Variants in SLC35D4 observed in about 807,000 individuals in gnomAD.
SLC35D4 encodes the protein solute carrier family 35 member D4.
the SLC35D4 span, among the ~76,000 whole-genome samples, chr18:23,433,520 C>T: frequency 6.6e-6 from 1 of 152,198 alleles, no homozygotes; most frequent in Non-Finnish European, 1.5e-5. Context: ...CTGCCTAGGG[C>T]CTGATTACAG....
chr18:23,380,028 C>T, the SLC35D4 span, among the ~76,000 whole-genome samples: 6 of 152,050 alleles, frequency 3.9e-5, no homozygotes, highest in Non-Finnish European at 8.8e-5. Context: ...AACCGGGAGG[C>T]GGAGATTGCA....
At chr18:23,288,532 C>A in the SLC35D4 span, among the ~76,000 whole-genome samples, 1 of 151,850 alleles carries the variant, frequency 6.6e-6, no homozygotes, top group African/African-American at 2.4e-5. Context: ...CCCTTCCCTA[C>A]GCATCAAGCT....
At chr18:23,259,710 G>A in the SLC35D4 span, 2 of 152,244 alleles carry the variant, frequency 1.3e-5, no homozygotes, top group South Asian at 4.1e-4. Flanking sequence ...AGGCACCTCT[G>A]TGACACGGAA....
chr18:23,374,169 CA>C, the SLC35D4 span, among the ~76,000 whole-genome samples: 3 of 152,164 alleles, frequency 2.0e-5, no homozygotes, highest in Non-Finnish European at 4.4e-5. Context: ...AAAATGAAAA[CA>C]CTACGGAAAT....
the SLC35D4 span, among the ~76,000 whole-genome samples, chr18:23,337,067 C>G: frequency 6.6e-6 from 1 of 151,814 alleles, no homozygotes; most frequent in African/African-American, 2.4e-5. Flanking sequence ...TGATTACAGA[C>G]TATGAGAGAT....
the SLC35D4 span, among the ~76,000 whole-genome samples, chr18:23,383,404 C>A: frequency 1.5e-4 from 11 of 72,062 alleles, no homozygotes; most frequent in African/African-American, 5.4e-4. Flanking sequence ...ATGAAGGCCA[C>A]GGGGGCCTGG....
At chr18:23,287,092 G>A in the SLC35D4 span, among the ~76,000 whole-genome samples, 56 of 151,724 alleles carry the variant, frequency 3.7e-4, 1 homozygote, top group African/African-American at 1.1e-3. Flanking sequence ...GTTATCACTC[G>A]CCTGCTACAG....
At chr18:23,275,062 G>A in the SLC35D4 span, among the ~76,000 whole-genome samples, 2 of 147,008 alleles carry the variant, frequency 1.4e-5, no homozygotes, top group Non-Finnish European at 3.0e-5. Flanking sequence ...GTTTGTGTAG[G>A]TGTGCTTGTG....
chr18:23,268,795 TGTGTGTGC>T, the SLC35D4 span, among the ~76,000 whole-genome samples: 2 of 138,196 alleles, frequency 1.4e-5, no homozygotes, highest in Non-Finnish European at 3.1e-5. Flanking sequence ...GCTGTGCGTG[TGTGTGTGC>T]GTGTGTGTGT....
At chr18:23,391,098 C>T in the SLC35D4 span, among the ~76,000 whole-genome samples, 1 of 151,874 alleles carries the variant, frequency 6.6e-6, no homozygotes, top group Admixed American at 6.6e-5. Context: ...TGGTGGCAGG[C>T]ACCTGTAATC....
the SLC35D4 span, among the ~76,000 whole-genome samples, chr18:23,283,496 A>C: frequency 6.7e-6 from 1 of 150,184 alleles, no homozygotes; most frequent in East Asian, 2.0e-4. Context: ...AAAAAAAAGA[A>C]AGAAAGAAAA....
chr18:23,397,244 G>C, the SLC35D4 span, among the ~76,000 whole-genome samples: 2 of 152,176 alleles, frequency 1.3e-5, no homozygotes, highest in African/African-American at 4.8e-5. Flanking sequence ...TTGAACCAGG[G>C]CTGGCCAATC....
At chr18:23,437,747 G>T in the SLC35D4 span, 5 of 1,599,758 alleles carry the variant, frequency 3.1e-6, no homozygotes, top group Non-Finnish European at 4.3e-6. Flanking sequence ...AACCTCCCAC[G>T]TGCAATCGCT....
the SLC35D4 span, among the ~76,000 whole-genome samples, chr18:23,431,691 TA>T: frequency 6.6e-6 from 1 of 152,204 alleles, no homozygotes; most frequent in African/African-American, 2.4e-5. Context: ...GGACTTTTTT[TA>T]AACCAACTCA....
At chr18:23,363,671 G>A in the SLC35D4 span, among the ~76,000 whole-genome samples, 1 of 152,134 alleles carries the variant, frequency 6.6e-6, no homozygotes, top group Non-Finnish European at 1.5e-5. Flanking sequence ...ACCACGCCCG[G>A]CTGACAAAAG....
At chr18:23,246,586 T>A in the SLC35D4 span, among the ~76,000 whole-genome samples, 3 of 151,250 alleles carry the variant, frequency 2.0e-5, no homozygotes, top group East Asian at 2.0e-4. Flanking sequence ...AGAGATGGGG[T>A]TTCACCGTGT....
chr18:23,309,571 T>C, the SLC35D4 span: 1 of 918,944 alleles, frequency 1.1e-6, no homozygotes, highest in Non-Finnish European at 1.8e-6. Context: ...TGGATGGAGA[T>C]ACACAGCCAA....
the SLC35D4 span, among the ~76,000 whole-genome samples, chr18:23,245,060 T>C: frequency 6.6e-6 from 1 of 152,286 alleles, no homozygotes; most frequent in Non-Finnish European, 1.5e-5. Context: ...TTTTGAGGTG[T>C]GTGTACCTCC....
the SLC35D4 span, among the ~76,000 whole-genome samples, chr18:23,359,502 G>A: frequency 3.3e-5 from 5 of 152,146 alleles, no homozygotes; most frequent in Non-Finnish European, 7.3e-5. Flanking sequence ...TGCTGACTCT[G>A]AGTGAGCGAG....
Sources: gnomAD v4.1 joint callset for allele counts (sites outside exome capture counted in the v4.1 genomes callset) on GRCh38, gnomAD v4.1.1 for gene constraint, MANE v1.5 for transcripts, NCBI Gene and HGNC (gene_info 2026-07-23, HGNC 2026-07-21) for gene names.